SSH1: variants seen among roughly 807,000 people sequenced by gnomAD.
SSH1 encodes the protein protein phosphatase Slingshot homolog 1.
In SSH1, 43 loss-of-function variants were observed where a neutral mutation model predicts 79.7. The observed-to-expected ratio is 0.54, with a 90% CI of 0.42 to 0.70. SSH1 has a LOEUF of 0.70. Among genes scored for constraint, SSH1 ranks in the 30% least tolerant of loss-of-function variants. The pLI is 0.00. For missense variants in SSH1, 1,206 were observed against 1,358.8 expected, an observed-to-expected ratio of 0.89 and a Z score of 1.77; for synonymous variants, 599 against 538.3, an observed-to-expected ratio of 1.11 and a Z score of -1.56.
intron 3 of SSH1, among the ~76,000 whole-genome samples, chr12:108,819,773 G>C (rs1464464113): frequency 6.6e-6 from 1 of 152,062 alleles, no homozygotes; most frequent in Non-Finnish European, 1.5e-5. Context: ...AGATCACCCT[G>C]GGCAACACGA....
Position 108,792,433 on chromosome 12 carries a change from G to A in SSH1, c.1746C>T (p.Gly582=). 6.2e-7 allele frequency: 1 copy of A among 1,614,194 alleles called. No individual in the cohort carries two copies. The highest frequency in any genetic ancestry group is 1.1e-5 in the South Asian group (1 of 91,082). Residue 582 remains glycine, a synonymous_variant, in exon 14 of 15, where the codon GGC becomes GGT. Coordinates refer to ENST00000326495, the MANE Select transcript of SSH1 (RefSeq NM_018984.4). ...LEFGSPKGRS[G]SLLQVEETER... is the part of the protein sequence containing the mutation. ...CCGTCTCCTCCACCTGCAGCAAGGAGCCGCTCCGACCTTTGGGACTCCCAA... is the reference window on the plus strand; with the variant it reads ...CCGTCTCCTCCACCTGCAGCAAGGAACCGCTCCGACCTTTGGGACTCCCAA...
intron 13 of SSH1, among the ~76,000 whole-genome samples, chr12:108,798,747 C>T (rs2137020480): frequency 6.6e-6 from 1 of 152,384 alleles, no homozygotes; most frequent in South Asian, 2.1e-4. Context: ...GCACCGTTCC[C>T]TCCAGCAGCA....
At chr12:108,835,694 G>A (rs1341383640) in intron 2 of SSH1, among the ~76,000 whole-genome samples, 1 of 151,906 alleles carries the variant, frequency 6.6e-6, no homozygotes, top group Non-Finnish European at 1.5e-5. Flanking sequence ...AGTTGGGGAG[G>A]GGGTGTGGGA....
intron 5 of SSH1, among the ~76,000 whole-genome samples, chr12:108,813,082 T>A (rs1306511285): frequency 6.6e-6 from 1 of 152,062 alleles, no homozygotes; most frequent in African/African-American, 2.4e-5. Context: ...CCCAGGCTGG[T>A]CTTAAACTCC....
chr12:108,823,391 G>A (rs942713355), intron 2 of SSH1, 30 bp from the exon 3 acceptor site: 1 of 1,533,616 alleles, frequency 6.5e-7, no homozygotes, highest in Non-Finnish European at 8.9e-7. Flanking sequence ...AGCACAGTTA[G>A]ACCGGAATTC....
chr12:108,791,554 C>T (rs1314260343), intron 14 of SSH1, among the ~76,000 whole-genome samples: 3 of 152,082 alleles, frequency 2.0e-5, no homozygotes, highest in Admixed American at 2.0e-4. Flanking sequence ...GGGCAGATGG[C>T]TTGAGACCAG....
intron 2 of SSH1, chr12:108,827,574 G>A (rs2038357170): frequency 8.0e-7 from 1 of 1,257,500 alleles, no homozygotes; most frequent in Non-Finnish European, 1.0e-6. Flanking sequence ...AGCACATCCT[G>A]ATGAAAGAGG....
rs942269397 is a variant in SSH1, at chr12:108,853,387, C to T, written c.70-709G>A. ...GCAAACTGAAAATAAGAAGGAAACA[C>T]ATACACACCCCCCAAACAACTCCGC... On this transcript the variant is annotated intron_variant, in intron 1 of 14. Coordinates refer to ENST00000326495, the MANE Select transcript of SSH1 (RefSeq NM_018984.4). 8 of 978,884 alleles carry T rather than the reference C, an allele frequency of 8.2e-6. No homozygotes were observed. The African/African-American group carries it at 1.4e-4, about 17-fold the overall frequency. The allele number at this position is 978,884 out of a possible 1,614,324, so 60.6% of individuals were successfully genotyped here.
chr12:108,843,408 C>G (rs1339868915), intron 2 of SSH1, among the ~76,000 whole-genome samples: 1 of 152,202 alleles, frequency 6.6e-6, no homozygotes, highest in African/African-American at 2.4e-5. Flanking sequence ...TCAGGCAGCC[C>G]TGTCCCTAGG....
At position 108,794,874 on chromosome 12, in the gene SSH1, AAGGAAG is replaced by A. The variant is rs2036677350; in HGVS notation, c.1350-2051_1350-2046del. ...TCATAGATTGTGGGGGGTGGGTGGG[AAGGAAG>A]ACACAGGACAGAACTCAAAGTCATC... On this transcript the variant is annotated intron_variant, in intron 13 of 14. Transcript: ENST00000326495. 2.0e-5 allele frequency among the ~76,000 whole-genome samples: 3 copies of A among 151,964 alleles called. 1 individual carries two copies. Among genetic ancestry groups the A allele is most frequent in the African/African-American group, 7.3e-5 (3 of 41,376 alleles).
At chr12:108,854,571 G>C (rs942852960) in intron 1 of SSH1, among the ~76,000 whole-genome samples, 2 of 152,180 alleles carry the variant, frequency 1.3e-5, no homozygotes, top group African/African-American at 4.8e-5. Flanking sequence ...CCGGCAGCAG[G>C]CCTGGCTGTG....
chr12:108,843,036 GTTTAT>G (rs1420940536), intron 2 of SSH1, among the ~76,000 whole-genome samples: 3 of 152,102 alleles, frequency 2.0e-5, no homozygotes, highest in Admixed American at 6.5e-5. Flanking sequence ...TATTGCGCTT[GTTTAT>G]TTTATTTACT....
chr12:108,829,084 T>C (rs2038407342), intron 2 of SSH1, among the ~76,000 whole-genome samples: 1 of 152,024 alleles, frequency 6.6e-6, no homozygotes, highest in Non-Finnish European at 1.5e-5. Flanking sequence ...TCCCAGCACT[T>C]TGGGAGGCTG....
At chr12:108,793,873 G>A (rs772131343) in intron 13 of SSH1, among the ~76,000 whole-genome samples, 39 of 152,338 alleles carry the variant, frequency 2.6e-4, no homozygotes, top group Middle Eastern at 6.8e-3. Flanking sequence ...TCTGCTCGGT[G>A]TGCACATCCC....
intron 9 of SSH1, 97 bp from the exon 10 acceptor site, chr12:108,805,281 C>CA (rs2037217127): frequency 1.4e-6 from 2 of 1,400,830 alleles, no homozygotes; most frequent in Non-Finnish European, 2.0e-6. Context: ...TGCCTATTTC[C>CA]AAAAAAGGTG....
chr12:108,800,227 C>A (rs147548056), intron 12 of SSH1, among the ~76,000 whole-genome samples: 1 of 152,110 alleles, frequency 6.6e-6, no homozygotes, highest in Non-Finnish European at 1.5e-5. Flanking sequence ...AAAATGAGCA[C>A]CAGAGACAGG....
chr12:108,809,724 T>C lies in SSH1; in HGVS notation c.505A>G (p.Ile169Val), dbSNP rs759937802. The C allele has an allele frequency of 1.1e-5, 17 of 1,613,900 alleles. No individual in the cohort carries two copies. The highest frequency in any genetic ancestry group is 1.3e-5 in the African/African-American group (1 of 74,876). ...GCCTGGACAGACACAGGCTTAAATA[T>C]GTGCATCCTTCCTGCTGTGCTCACG... is the stretch of plus-strand genomic sequence containing the variant. ...FSVSTAGRMHIFKPVSVQAMW... is the reference protein window; with the variant it reads ...FSVSTAGRMHVFKPVSVQAMW... The change falls in exon 7 of 15, where the codon ATA becomes GTA. Residue 169 changes from isoleucine to valine, a missense_variant. Physicochemically the swap from Ile to Val is conservative, Grantham distance 29. Coordinates refer to ENST00000326495, the MANE Select transcript of SSH1 (RefSeq NM_018984.4).
chr12:108,809,853 C>T (rs933680847), intron 6 of SSH1, 95 bp from the exon 7 acceptor site: 19 of 1,038,406 alleles, frequency 1.8e-5, no homozygotes, highest in Non-Finnish European at 2.9e-5. Flanking sequence ...CCACTGCGCA[C>T]GCTGGGAACA....
chr12:108,792,639 G>A lies in SSH1; in HGVS notation c.1540C>T (p.Leu514Phe). The A allele has an allele frequency of 1.9e-6, 3 of 1,611,856 alleles. No homozygotes were observed. The highest frequency in any genetic ancestry group is 2.5e-6 in the Non-Finnish European group (3 of 1,179,642). ...GGGGAAGGCAGAAGGGGGTCTGAGA[G>A]TCGCCGGAAACAGCAGGGGAGGGGG... ...GPPLPCCFRR[L>F]SDPLLPSPED... The change falls in exon 14 of 15, where the codon CTC becomes TTC. Residue 514 changes from leucine (L) to phenylalanine (F), a missense_variant. This residue lies in a region of SSH1 where 709 missense variants were observed against 730.6 expected (regional missense o/e 0.97). Transcript: ENST00000326495.
Sources: gnomAD v4.1 joint callset for allele counts (sites outside exome capture counted in the v4.1 genomes callset) on GRCh38, gnomAD v4.1.1 for gene constraint, gnomAD v4.1.1 regional missense constraint, MANE v1.5 for transcripts, NCBI Gene and HGNC (gene_info 2026-07-23, HGNC 2026-07-21) for gene names.